Variants in MDGA2 observed in about 807,000 individuals in gnomAD.
MDGA2 encodes the protein MAM domain containing glycosylphosphatidylinositol anchor 2, also known as MAM domain-containing glycosylphosphatidylinositol anchor protein 2.
Under a neutral mutation model 117.8 loss-of-function variants are expected in MDGA2, and 40 were observed. The ratio of observed to expected loss-of-function variants is 0.34; its 90% CI spans 0.26 to 0.44. The LOEUF (loss-of-function observed/expected upper bound fraction) is 0.44, where lower values mean the gene tolerates loss of function less well. Among genes scored for constraint, MDGA2 ranks in the 20% least tolerant of loss-of-function variants. MDGA2 has a pLI of 1.00. For missense variants in MDGA2, 1,123 were observed against 1,250.6 expected (o/e 0.90, Z 1.54); for synonymous variants, 452 against 439.0 (o/e 1.03, Z -0.37).
At chr14:47,492,000 T>C (rs1365855526) in intron 1 of MDGA2, among the ~76,000 whole-genome samples, 1 of 152,130 alleles carries the variant, frequency 6.6e-6, no homozygotes, top group Non-Finnish European at 1.5e-5. Flanking sequence ...GTCTAGAATC[T>C]GAGTTTGGTC....
intron 1 of MDGA2, among the ~76,000 whole-genome samples, chr14:47,303,298 A>G (rs1443664016): frequency 2.0e-5 from 3 of 152,130 alleles, no homozygotes; most frequent in Non-Finnish European, 1.5e-5. Flanking sequence ...AAAGTAACTA[A>G]ACTTTCTGCT....
At chr14:47,196,441 A>C (rs1885290487) in intron 3 of MDGA2, among the ~76,000 whole-genome samples, 1 of 152,170 alleles carries the variant, frequency 6.6e-6, no homozygotes, top group Non-Finnish European at 1.5e-5. Context: ...AATTTTAAGT[A>C]CTAGCTGCTT....
chr14:46,895,055 T>C (rs550226146), intron 10 of MDGA2, among the ~76,000 whole-genome samples: 1 of 152,138 alleles, frequency 6.6e-6, no homozygotes, highest in Non-Finnish European at 1.5e-5. Context: ...ATCCAGGAGG[T>C]AGTAATAAAT....
intron 14 of MDGA2, among the ~76,000 whole-genome samples, chr14:46,858,428 C>CTTTT (rs71112466): frequency 4.8e-5 from 6 of 123,828 alleles, no homozygotes; most frequent in Admixed American, 8.2e-5. Flanking sequence ...TTCTTTTTTT[C>CTTTT]TTTTTTTTTT....
intron 3 of MDGA2, among the ~76,000 whole-genome samples, chr14:47,179,349 A>C (rs1054678862): frequency 2.0e-5 from 3 of 151,994 alleles, no homozygotes; most frequent in Non-Finnish European, 4.4e-5. Flanking sequence ...ATTTATATTT[A>C]CACTACATAG....
chr14:46,986,493 C>G (rs1886863262), intron 8 of MDGA2, among the ~76,000 whole-genome samples: 1 of 139,128 alleles, frequency 7.2e-6, no homozygotes, highest in Non-Finnish European at 1.5e-5. Context: ...CAGAATATCC[C>G]AATCATATTC....
chr14:47,236,287 C>A (rs1383325869), intron 2 of MDGA2, among the ~76,000 whole-genome samples: 2 of 87,956 alleles, frequency 2.3e-5, no homozygotes, highest in Non-Finnish European at 4.3e-5. Flanking sequence ...CGAGACTCCG[C>A]CTCAAAAAAA....
chr14:47,451,497 G>T (rs1287048837), intron 1 of MDGA2, among the ~76,000 whole-genome samples: 2 of 152,056 alleles, frequency 1.3e-5, no homozygotes, highest in African/African-American at 4.8e-5. Context: ...AGAGAATGTG[G>T]AACTGACTGC....
chr14:47,059,313 G>A lies in MDGA2; in HGVS notation c.1525+1936C>T, dbSNP rs899398572. ...AGAAACCACATCTATCTGTAGTTAA[G>A]TGGGTACTTTCCAGGGGTAGTGTTT... On this transcript the variant is annotated intron_variant, in intron 7 of 16. Transcript: ENST00000399232. 5.5e-6 allele frequency: 7 copies of A among 1,271,950 alleles called. No homozygotes were observed. The Admixed American group carries it at 1.2e-4, about 21-fold the overall frequency. 78.8% of individuals were successfully genotyped at this position (1,271,950 alleles called of 1,614,324 possible). A position where few individuals can be genotyped will look rare whatever the true frequency, so the allele number is the denominator to read the frequency against.
intron 9 of MDGA2, among the ~76,000 whole-genome samples, chr14:46,922,807 T>C (rs1884181454): frequency 6.6e-6 from 1 of 152,218 alleles, no homozygotes; most frequent in Admixed American, 6.5e-5. Context: ...CCTCTGAGAC[T>C]GGCAGCAGCA....
At chr14:46,921,445 A>G (rs1884125569) in intron 9 of MDGA2, among the ~76,000 whole-genome samples, 1 of 141,412 alleles carries the variant, frequency 7.1e-6, no homozygotes, top group Non-Finnish European at 1.5e-5. Context: ...CTCTACCAGA[A>G]AAAGAAAAAA....
intron 1 of MDGA2, among the ~76,000 whole-genome samples, chr14:47,606,570 G>C (rs1896747325): frequency 1.3e-5 from 2 of 152,098 alleles, no homozygotes; most frequent in South Asian, 4.2e-4. Flanking sequence ...TGGAATCATG[G>C]CCTCCAGCTA....
At chr14:47,396,594 C>T (rs1481847921) in intron 1 of MDGA2, among the ~76,000 whole-genome samples, 1 of 152,018 alleles carries the variant, frequency 6.6e-6, no homozygotes, top group Non-Finnish European at 1.5e-5. Flanking sequence ...ATCCATCTGA[C>T]AAAGGGTTAA....
chr14:47,449,182 T>A (rs1027248511), intron 1 of MDGA2, among the ~76,000 whole-genome samples: 5 of 152,190 alleles, frequency 3.3e-5, no homozygotes, highest in African/African-American at 1.2e-4. Context: ...TGAAGGCATA[T>A]GGCATTTTTT....
At chr14:46,917,230 T>G (rs1441007285) in intron 10 of MDGA2, among the ~76,000 whole-genome samples, 1 of 152,138 alleles carries the variant, frequency 6.6e-6, no homozygotes, top group African/African-American at 2.4e-5. Context: ...CTTGAAATAA[T>G]GCTTAGGCTT....
intron 1 of MDGA2, among the ~76,000 whole-genome samples, chr14:47,429,753 C>T (rs1181372738): frequency 6.6e-6 from 1 of 151,420 alleles, no homozygotes; most frequent in Non-Finnish European, 1.5e-5. Context: ...GTACTGAGGA[C>T]AAATCGGTGA....
At chr14:47,391,798 C>T (rs1453569137) in intron 1 of MDGA2, among the ~76,000 whole-genome samples, 2 of 152,084 alleles carry the variant, frequency 1.3e-5, no homozygotes, top group Non-Finnish European at 2.9e-5. Context: ...TCAGACATTC[C>T]GTTTTCTCTT....
intron 1 of MDGA2, among the ~76,000 whole-genome samples, chr14:47,660,021 C>T (rs1267031668): frequency 6.6e-6 from 1 of 151,892 alleles, no homozygotes; most frequent in African/African-American, 2.4e-5. Context: ...AAGGAATTCA[C>T]AAAATCAGTG....
chr14:47,235,678 G>C (rs1170423686), intron 2 of MDGA2, among the ~76,000 whole-genome samples: 12 of 152,188 alleles, frequency 7.9e-5, no homozygotes, highest in African/African-American at 2.9e-4. Flanking sequence ...AGGATGTGTT[G>C]TTCGTGATAT....
Sources: gnomAD v4.1 joint callset for allele counts (sites outside exome capture counted in the v4.1 genomes callset) on GRCh38, gnomAD v4.1.1 for gene constraint, MANE v1.5 for transcripts, NCBI Gene and HGNC (gene_info 2026-07-23, HGNC 2026-07-21) for gene names.